The following SENP6 variants were observed in gnomAD, a reference collection of about 807,000 sequenced individuals.
The protein encoded by SENP6 is SUMO specific peptidase 6.
A neutral mutation model predicts 134.5 loss-of-function variants in SENP6; 41 were observed. The observed-to-expected ratio is 0.30, with a 90% CI of 0.24 to 0.40. The LOEUF is 0.40. SENP6 is among the 10% of genes least tolerant of loss of function. SENP6 has a pLI of 1.00. For missense variants in SENP6, 1,248 were observed against 1,312.5 expected (o/e 0.95, Z 0.76); for synonymous variants, 395 against 429.8 (o/e 0.92, Z 1.00).
rs1387620553 is a variant in SENP6, at chr6:75,716,176, T to A, written c.*582T>A. ...AAGAAATGTAATAAATATTTGTAAT[T>A]TTACACAAATATTTAAGAGGAAAGA... On this transcript the variant is annotated 3_prime_UTR_variant, in exon 24 of 24. Transcript: ENST00000447266. 1 of 151,866 alleles carries A rather than the reference T, an allele frequency of 6.6e-6. No homozygotes were observed. The highest frequency in any genetic ancestry group is 1.5e-5 in the Non-Finnish European group (1 of 67,826). The allele number at this position is 151,866 out of a possible 1,614,324, so 9.4% of individuals were successfully genotyped here. A position where few individuals can be genotyped will look rare whatever the true frequency, so the allele number is the denominator to read the frequency against.
intron 16 of SENP6, chr6:75,679,589 A>G (rs1458605989): frequency 6.6e-6 from 1 of 152,248 alleles, no homozygotes; most frequent in African/African-American, 2.4e-5. Context: ...ATGCTTCATT[A>G]TCTTTGGAGG....
chr6:75,621,620 T>A lies in SENP6; in HGVS notation c.141T>A (p.Asp47Glu). Residue 47 changes from aspartate to glutamate, a missense_variant, in exon 2 of 24, where the codon GAT (aspartate) becomes GAA (glutamate). This residue lies in a region of SENP6 where 733 missense variants were observed against 725.4 expected (regional missense o/e 1.01). Coordinates refer to ENST00000447266, the MANE Select transcript of SENP6 (RefSeq NM_015571.4). ...DHEEESEGDT[D>E]KDGTNLLSVD... Reference sequence around the variant, plus strand: ...AAGAAGAAAGTGAAGGAGATACAGATAAAGAGTAAGGATTTTTTTTTCCCT... The same window carrying A: ...AAGAAGAAAGTGAAGGAGATACAGAAAAAGAGTAAGGATTTTTTTTTCCCT... The A allele has an allele frequency of 6.3e-7, 1 of 1,583,704 alleles. No homozygotes were observed. The highest frequency in any genetic ancestry group is 8.6e-7 in the Non-Finnish European group (1 of 1,156,698).
In SENP6 at chr6:75,658,990, AAAAAAAAAAAG is replaced by A. The variant is rs1771560607; in HGVS notation, c.551-271_551-261del. ...TTGTCTCCCCAAAAAAAAAAAAAAA[AAAAAAAAAAAG>A]GGGAATTGTGAGTATGTGAGTGGTT... On this transcript the variant is annotated intron_variant, in intron 7 of 23. Coordinates refer to ENST00000447266, the MANE Select transcript of SENP6 (RefSeq NM_015571.4). Among the ~76,000 whole-genome samples the A allele has an allele frequency of 6.0e-5, 9 of 150,112 alleles. 1 individual carries two copies. The highest frequency in any genetic ancestry group is 2.0e-4 in the African/African-American group (8 of 40,976).
chr6:75,612,741 C>A (rs902885782), intron 1 of SENP6, among the ~76,000 whole-genome samples: 2 of 152,118 alleles, frequency 1.3e-5, no homozygotes, highest in Non-Finnish European at 2.9e-5. Context: ...TTTGGCAATA[C>A]CTATTGAACT....
chr6:75,602,721 G>C, intron 1 of SENP6, 145 bp downstream of exon 1: 1 of 898,820 alleles, frequency 1.1e-6, no homozygotes, highest in Non-Finnish European at 1.7e-6. Flanking sequence ...GGGAGGGAGT[G>C]TGCTGCGAGC....
chr6:75,711,518 C>A, intron 21 of SENP6, 102 bp downstream of exon 21: 1 of 656,592 alleles, frequency 1.5e-6, no homozygotes, highest in Non-Finnish European at 2.5e-6. Context: ...AAGCAAAACT[C>A]ATAAATGCTG....
intron 16 of SENP6, among the ~76,000 whole-genome samples, chr6:75,688,421 A>G (rs932092566): frequency 1.3e-5 from 2 of 152,038 alleles, no homozygotes; most frequent in East Asian, 1.9e-4. Flanking sequence ...ACCAGTCCCA[A>G]TGAGATGAAC....
intron 7 of SENP6, among the ~76,000 whole-genome samples, chr6:75,655,514 T>G (rs551792546): frequency 3.3e-5 from 5 of 152,310 alleles, no homozygotes; most frequent in Non-Finnish European, 1.5e-5. Context: ...TAGCATAGAT[T>G]AATTTTACCT....
At chr6:75,636,936 A>G (rs924767677) in intron 5 of SENP6, among the ~76,000 whole-genome samples, 1 of 148,460 alleles carries the variant, frequency 6.7e-6, no homozygotes, top group African/African-American at 2.5e-5. Context: ...GCTGTAGTGT[A>G]GTGTCTCAGT....
chr6:75,647,800 T>C lies in SENP6; in HGVS notation c.549T>C (p.Val183=). ...NPVRLSRLQG[V]ERIMKKTEES... Reference sequence around the variant, plus strand: ...TAAGGTTAAGTCGGCTCCAAGGTGTTGGTAAGTGTGCAGTTTTGTTACACC... The same window carrying C: ...TAAGGTTAAGTCGGCTCCAAGGTGTCGGTAAGTGTGCAGTTTTGTTACACC... The change falls in exon 7 of 24, where the codon GTT becomes GTC. Residue 183 remains valine (V), a splice_region_variant and synonymous_variant. Coordinates refer to ENST00000447266, the MANE Select transcript of SENP6 (RefSeq NM_015571.4). 3 of 1,611,064 alleles carry C rather than the reference T, an allele frequency of 1.9e-6. No homozygotes were observed. Among genetic ancestry groups the C allele is most frequent in the Non-Finnish European group, 2.5e-6 (3 of 1,177,866 alleles).
At chr6:75,658,386 A>G (rs1052080518) in intron 7 of SENP6, among the ~76,000 whole-genome samples, 4 of 152,132 alleles carry the variant, frequency 2.6e-5, no homozygotes, top group Non-Finnish European at 4.4e-5. Flanking sequence ...TGATAAAAGA[A>G]TATTAAATAT....
intron 19 of SENP6, 98 bp downstream of exon 19, chr6:75,703,170 T>A: frequency 9.4e-7 from 1 of 1,062,898 alleles, no homozygotes; most frequent in Non-Finnish European, 1.4e-6. Context: ...AAAATCAGGT[T>A]AATGACTGGG....
At chr6:75,642,081 A>G (rs1022628098) in intron 6 of SENP6, among the ~76,000 whole-genome samples, 4 of 152,244 alleles carry the variant, frequency 2.6e-5, no homozygotes, top group Non-Finnish European at 2.9e-5. Context: ...ATGGACAGCA[A>G]TGTTTCTACA....
intron 2 of SENP6, among the ~76,000 whole-genome samples, chr6:75,623,632 A>G (rs1277521401): frequency 1.3e-5 from 2 of 152,196 alleles, no homozygotes; most frequent in East Asian, 1.9e-4. Flanking sequence ...TCAACAAACT[A>G]TGATCCATGG....
intron 6 of SENP6, among the ~76,000 whole-genome samples, chr6:75,646,082 T>C (rs1027087219): frequency 3.9e-4 from 59 of 152,232 alleles, no homozygotes; most frequent in African/African-American, 1.4e-3. Context: ...GTCAATTGTT[T>C]TTACTAAATC....
intron 3 of SENP6, among the ~76,000 whole-genome samples, chr6:75,630,574 G>A (rs1006703930): frequency 2.0e-5 from 3 of 152,080 alleles, no homozygotes; most frequent in East Asian, 3.9e-4. Flanking sequence ...TGGATCATTG[G>A]TTTAAACTAT....
Position 75,638,555 on chromosome 6 carries a change from A to AGTGT in SENP6, c.459-2096_459-2093dup, listed in dbSNP as rs59936116. 1.9e-3 allele frequency among the ~76,000 whole-genome samples: 51 copies of AGTGT among 26,338 alleles called. 2 individuals carry two copies. Among genetic ancestry groups the AGTGT allele is most frequent in the African/African-American group, 4.2e-3 (27 of 6,426 alleles). 17.3% of individuals were successfully genotyped at this position (26,338 alleles called of 152,430 possible). On this transcript the variant is annotated intron_variant, in intron 5 of 23. Coordinates refer to ENST00000447266, the MANE Select transcript of SENP6 (RefSeq NM_015571.4). ...AGCATTGATGTGTCTTTGTGTGTGT[A>AGTGT]GTGTGTGTGTGTGTGTGTGTGTGTG...
chr6:75,629,450 C>A (rs1423948538), intron 3 of SENP6, among the ~76,000 whole-genome samples: 1 of 152,138 alleles, frequency 6.6e-6, no homozygotes, highest in Non-Finnish European at 1.5e-5. Context: ...CAGGCGTATG[C>A]CACCATGTCT....
chr6:75,680,669 T>C (rs1238867437), intron 16 of SENP6, among the ~76,000 whole-genome samples: 2 of 152,160 alleles, frequency 1.3e-5, no homozygotes, highest in Non-Finnish European at 2.9e-5. Context: ...GAGTTCACAA[T>C]GACCCCAAGG....
Sources: allele counts gnomAD v4.1 joint callset (sites outside exome capture counted in the v4.1 genomes callset), GRCh38; gene constraint gnomAD v4.1.1; regional missense constraint gnomAD v4.1.1; transcripts MANE v1.5; gene names NCBI Gene and HGNC (gene_info 2026-07-23, HGNC 2026-07-21).